Variants in ANKS1B observed in about 807,000 individuals in gnomAD.
The protein encoded by ANKS1B is ankyrin repeat and sterile alpha motif domain-containing protein 1B.
In ANKS1B, 36 loss-of-function variants were observed where a neutral mutation model predicts 148.3. That is an observed-to-expected ratio of 0.24 (90% CI 0.19 to 0.32). The LOEUF (loss-of-function observed/expected upper bound fraction) is 0.32. ANKS1B is among the 10% of genes least tolerant of loss of function. The probability of loss-of-function intolerance (pLI) is 1.00; values close to 1 mark genes in which losing one functional copy is unlikely to be tolerated. For synonymous variants in ANKS1B, 542 were observed against 560.8 expected, an observed-to-expected ratio of 0.97 and a Z score of 0.47; for missense variants, 1,157 against 1,542.6, an observed-to-expected ratio of 0.75 and a Z score of 4.19.
rs565218347 is a variant in ANKS1B at position 99,116,176 on chromosome 12, T to C, written c.2527-31153A>G. The stretch of plus-strand genomic sequence containing the variant: ...GACACATAGCAAGCACTCCTAAATG[T>C]TGCTACCCTTAAAGACACAACCTAA... On this transcript the variant is annotated intron_variant, in intron 15 of 26. Transcript: ENST00000683438. 2.6e-5 allele frequency among the ~76,000 whole-genome samples: 4 copies of C among 152,306 alleles called. No homozygotes were observed. In the East Asian group the frequency reaches 7.7e-4, roughly 29 times the overall value.
chr12:99,428,935 G>T (rs1208082115), intron 11 of ANKS1B, among the ~76,000 whole-genome samples: 1 of 152,110 alleles, frequency 6.6e-6, no homozygotes, highest in Non-Finnish European at 1.5e-5. Context: ...AAAGGACACA[G>T]GAGGACTCCC....
At position 98,832,156 on chromosome 12, in the gene ANKS1B, G is replaced by A; in HGVS notation, c.2779-20C>T. On this transcript the variant is annotated intron_variant, in intron 17 of 26. Transcript: ENST00000683438. ...TAAAACCTGAAACAACATATATTTGGGTTAAATATTTCACTGGAGAACAAA... is the reference window on the plus strand; with the variant it reads ...TAAAACCTGAAACAACATATATTTGAGTTAAATATTTCACTGGAGAACAAA... 1 of 1,516,506 alleles carries A rather than the reference G, an allele frequency of 6.6e-7. No homozygotes were observed. The highest frequency in any genetic ancestry group is 8.9e-7 in the Non-Finnish European group (1 of 1,119,450). The allele number at this position is 1,516,506 out of a possible 1,614,324, so 93.9% of individuals were successfully genotyped here.
chr12:99,009,594 G>C (rs2099938083), intron 17 of ANKS1B, among the ~76,000 whole-genome samples: 1 of 152,096 alleles, frequency 6.6e-6, no homozygotes, highest in Admixed American at 6.5e-5. Flanking sequence ...TGTGGTCAGG[G>C]GCTAAGGATT....
At chr12:99,200,101 A>G (rs1180342486) in intron 14 of ANKS1B, among the ~76,000 whole-genome samples, 1 of 152,244 alleles carries the variant, frequency 6.6e-6, no homozygotes, top group Non-Finnish European at 1.5e-5. Context: ...AAGAAGATGA[A>G]TTAAGTGAAA....
At chr12:98,908,026 G>A (rs1430715345) in intron 17 of ANKS1B, among the ~76,000 whole-genome samples, 1 of 152,144 alleles carries the variant, frequency 6.6e-6, no homozygotes, top group African/African-American at 2.4e-5. Context: ...TTTATTAGCA[G>A]TGTGAGAACA....
intron 9 of ANKS1B, among the ~76,000 whole-genome samples, chr12:99,533,198 T>G (rs1409687555): frequency 6.6e-6 from 1 of 152,220 alleles, no homozygotes; most frequent in African/African-American, 2.4e-5. Flanking sequence ...CATCTATGAC[T>G]TCTTTCATTG....
At chr12:99,920,995 TA>T (rs1337642090) in intron 1 of ANKS1B, among the ~76,000 whole-genome samples, 1 of 152,296 alleles carries the variant, frequency 6.6e-6, no homozygotes, top group South Asian at 2.1e-4. Context: ...GTTTGACACA[TA>T]AAATTAGCCA....
rs560134262 is a variant in ANKS1B, at chr12:99,418,632, A to T, written c.1576-18821T>A. On this transcript the variant is annotated intron_variant, in intron 11 of 26. Coordinates refer to ENST00000683438, the MANE Select transcript of ANKS1B (RefSeq NM_001352186.2). ...TCCTTTCCAAATCTGTATGCCTTTT[A>T]TTTTTTTGTTTTTCTTCTTGGCACA... 7.2e-3 allele frequency among the ~76,000 whole-genome samples: 1,098 copies of T among 151,952 alleles called. 12 individuals are homozygous for T. Among genetic ancestry groups the T allele is most frequent in the African/African-American group, 0.025 (1,028 of 41,436 alleles).
chr12:99,435,281 T>G (rs1403152481), intron 11 of ANKS1B, among the ~76,000 whole-genome samples: 1 of 152,048 alleles, frequency 6.6e-6, no homozygotes, highest in Non-Finnish European at 1.5e-5. Context: ...TCCAGGAGTT[T>G]ATACTTCCTG....
intron 19 of ANKS1B, among the ~76,000 whole-genome samples, chr12:98,810,687 T>C (rs1046721946): frequency 2.0e-5 from 3 of 152,232 alleles, no homozygotes; most frequent in Admixed American, 6.5e-5. Flanking sequence ...AAAGTTGTTT[T>C]AGGTTGTTTT....
At position 99,154,323 on chromosome 12, in the gene ANKS1B, A is replaced by G; in HGVS notation, c.2492T>C (p.Leu831Pro). Reference sequence around the variant, plus strand: ...CACATTGTCAAATCCATTAGCCATCAGGTGGTTCTCGTACTGAGGTAGCCC... The same window carrying G: ...CACATTGTCAAATCCATTAGCCATCGGGTGGTTCTCGTACTGAGGTAGCCC... ...SIGLPQYENH[L>P]MANGFDNVQF... The change falls in exon 15 of 27, where the codon CTG becomes CCG. Residue 831 changes from leucine to proline, a missense_variant. This residue lies in a region of ANKS1B where 258 missense variants were observed against 497.0 expected (regional missense o/e 0.52). Coordinates refer to ENST00000683438, the MANE Select transcript of ANKS1B (RefSeq NM_001352186.2). 6.2e-7 allele frequency: 1 copy of G among 1,613,768 alleles called. No homozygotes were observed. Among genetic ancestry groups the G allele is most frequent in the Non-Finnish European group, 8.5e-7 (1 of 1,179,722 alleles).
At chr12:99,159,597 A>G (rs1328629375) in intron 14 of ANKS1B, among the ~76,000 whole-genome samples, 1 of 152,174 alleles carries the variant, frequency 6.6e-6, no homozygotes, top group African/African-American at 2.4e-5. Flanking sequence ...TCAATGGTAT[A>G]TATGTACCAT....
At chr12:99,906,330 A>C (rs772937347) in intron 1 of ANKS1B, among the ~76,000 whole-genome samples, 11 of 152,232 alleles carry the variant, frequency 7.2e-5, no homozygotes, top group Non-Finnish European at 1.6e-4. Context: ...TCTGTTACCC[A>C]AAATTCACTC....
intron 1 of ANKS1B, among the ~76,000 whole-genome samples, chr12:99,937,167 T>C (rs769235768): frequency 6.6e-6 from 1 of 152,184 alleles, no homozygotes; most frequent in Non-Finnish European, 1.5e-5. Flanking sequence ...AGCCCACTCA[T>C]GGATGTGCTT....
intron 9 of ANKS1B, among the ~76,000 whole-genome samples, chr12:99,610,479 A>G (rs2097892227): frequency 6.6e-6 from 1 of 152,104 alleles, no homozygotes; most frequent in Non-Finnish European, 1.5e-5. Context: ...GGTCAGAATA[A>G]TATTTCCAGG....
chr12:99,362,833 C>T (rs562928256), intron 12 of ANKS1B, among the ~76,000 whole-genome samples: 2 of 152,036 alleles, frequency 1.3e-5, no homozygotes, highest in Non-Finnish European at 2.9e-5. Flanking sequence ...CATTTTATCC[C>T]AGTAGGGGGT....
chr12:99,427,947 T>C (rs2095293015), intron 11 of ANKS1B, among the ~76,000 whole-genome samples: 1 of 152,222 alleles, frequency 6.6e-6, no homozygotes, highest in Non-Finnish European at 1.5e-5. Flanking sequence ...GATTGCATGT[T>C]GGCATTGCTG....
chr12:99,617,348 T>C (rs908658850), intron 9 of ANKS1B, among the ~76,000 whole-genome samples: 7 of 152,172 alleles, frequency 4.6e-5, no homozygotes, highest in South Asian at 2.1e-4. Flanking sequence ...TGGATGTTTA[T>C]TGTAGCACTA....
At chr12:99,759,080 C>T (rs1244455082) in intron 8 of ANKS1B, among the ~76,000 whole-genome samples, 6 of 151,748 alleles carry the variant, frequency 4.0e-5, no homozygotes, top group African/African-American at 1.2e-4. Context: ...TATTTCCTGT[C>T]GGATTTATTC....
Sources: allele counts gnomAD v4.1 joint callset (sites outside exome capture counted in the v4.1 genomes callset), GRCh38; gene constraint gnomAD v4.1.1; regional missense constraint gnomAD v4.1.1; transcripts MANE v1.5; gene names NCBI Gene and HGNC (gene_info 2026-07-23, HGNC 2026-07-21).